GNPAT: variants seen among roughly 807,000 people sequenced by gnomAD.
GNPAT encodes the protein dihydroxyacetone phosphate acyltransferase.
GNPAT carries 30 observed loss-of-function variants against 78.4 expected under a neutral mutation model. That is an observed-to-expected ratio of 0.38 (90% CI 0.29 to 0.52). GNPAT has a LOEUF of 0.52. Among genes scored for constraint, GNPAT ranks in the 20% least tolerant of loss-of-function variants. GNPAT has a pLI of 0.84. For missense variants in GNPAT, 714 were observed against 812.2 expected (o/e 0.88, Z 1.47); for synonymous variants, 271 against 281.1 (o/e 0.96, Z 0.36).
chr1:231,250,860 G>A, intron 1 of GNPAT, 101 bp from the exon 2 acceptor site: 1 of 776,454 alleles, frequency 1.3e-6, no homozygotes, highest in South Asian at 1.4e-5. Context: ...TCACGTCATA[G>A]AGTAATATTT....
chr1:231,276,292 C>A, intron 15 of GNPAT, 96 bp downstream of exon 15: 1 of 714,102 alleles, frequency 1.4e-6, no homozygotes, highest in Non-Finnish European at 2.6e-6. Context: ...TCAAAATGAT[C>A]AGTAAGTAGT....
intron 12 of GNPAT, chr1:231,274,880 G>T: frequency 3.3e-6 from 1 of 305,364 alleles, no homozygotes; most frequent in South Asian, 3.1e-5. Flanking sequence ...TGTATTTAGA[G>T]AAAAAAAGCA....
chr1:231,249,152 A>G (rs912680752), intron 1 of GNPAT, among the ~76,000 whole-genome samples: 1 of 152,238 alleles, frequency 6.6e-6, no homozygotes, highest in Non-Finnish European at 1.5e-5. Flanking sequence ...TATAGAGCGC[A>G]AACTGATACA....
At position 231,251,784 on chromosome 1, in the gene GNPAT, T is replaced by G. The variant is rs553720224; in HGVS notation, c.261+641T>G. Among the ~76,000 whole-genome samples, 6 of 152,342 alleles carry G rather than the reference T, an allele frequency of 3.9e-5. No homozygotes were observed. The East Asian group carries it at 1.2e-3, about 29-fold the overall frequency. On this transcript the variant is annotated intron_variant, in intron 2 of 15. Coordinates refer to ENST00000366647, the MANE Select transcript of GNPAT (RefSeq NM_014236.4). ...TCTTGGAGAAGCTATCAGTTTTCTC[T>G]GGTAGGAGATAGGTTGAGCCTATTC...
intron 1 of GNPAT, among the ~76,000 whole-genome samples, chr1:231,247,402 A>G (rs1378102989): frequency 6.6e-6 from 1 of 152,212 alleles, no homozygotes; most frequent in Admixed American, 6.5e-5. Context: ...GGAGGCACCA[A>G]ATACGAGTTT....
chr1:231,262,802 T>G lies in GNPAT; in HGVS notation c.518T>G (p.Phe173Cys), dbSNP rs1183827822. ...TACATTGACTTCCTCATGTTGTCTT[T>G]TCTTCTATACAATTATGATTTGCCT... ...RSYIDFLMLS[F>C]LLYNYDLPVP... Residue 173 changes from phenylalanine (F) to cysteine (C), a missense_variant, in exon 4 of 16, where the codon TTT becomes TGT. Coordinates refer to ENST00000366647, the MANE Select transcript of GNPAT (RefSeq NM_014236.4). 1.9e-6 allele frequency: 3 copies of G among 1,609,096 alleles called. No homozygotes were observed. The African/African-American group carries it at 4.0e-5, about 22-fold the overall frequency.
intron 11 of GNPAT, 127 bp from the exon 12 acceptor site, chr1:231,273,795 G>T: frequency 4.0e-6 from 3 of 751,352 alleles, no homozygotes; most frequent in Non-Finnish European, 7.1e-6. Context: ...TGTTGTCTGA[G>T]GGCATGTGGC....
intron 4 of GNPAT, among the ~76,000 whole-genome samples, chr1:231,264,504 C>T (rs1685319779): frequency 6.6e-6 from 1 of 152,118 alleles, no homozygotes; most frequent in Non-Finnish European, 1.5e-5. Context: ...AGCCAGGATT[C>T]AAGTATACAC....
At chr1:231,271,118 A>G (rs1685553220) in intron 10 of GNPAT, 118 bp downstream of exon 10, 3 of 1,195,364 alleles carry the variant, frequency 2.5e-6, no homozygotes, top group South Asian at 1.2e-5. Context: ...GAGCAGGCCT[A>G]TCACTGAGAA....
chr1:231,251,732 G>A (rs541995118), intron 2 of GNPAT, among the ~76,000 whole-genome samples: 16 of 152,244 alleles, frequency 1.1e-4, no homozygotes, highest in African/African-American at 2.9e-4. Flanking sequence ...TTTAAGGACC[G>A]AAGCCTTGAA....
intron 8 of GNPAT, among the ~76,000 whole-genome samples, chr1:231,266,929 G>A (rs1685405741): frequency 6.6e-6 from 1 of 152,200 alleles, no homozygotes; most frequent in South Asian, 2.1e-4. Flanking sequence ...GGACAAGTAA[G>A]GGAGACAAAC....
At chr1:231,263,046 C>G (rs1416317441) in intron 4 of GNPAT, among the ~76,000 whole-genome samples, 194 bp downstream of exon 4, 5 of 152,166 alleles carry the variant, frequency 3.3e-5, no homozygotes, top group African/African-American at 1.2e-4. Context: ...TGCAGGAGTT[C>G]ATGCACACAG....
intron 10 of GNPAT, 78 bp downstream of exon 10, chr1:231,271,078 C>T: frequency 6.7e-7 from 1 of 1,488,440 alleles, no homozygotes; most frequent in Non-Finnish European, 9.4e-7. Flanking sequence ...ACATTTGAAG[C>T]CTTGTAATGT....
intron 3 of GNPAT, among the ~76,000 whole-genome samples, chr1:231,262,302 C>T (rs1685242258): frequency 6.6e-6 from 1 of 152,200 alleles, no homozygotes; most frequent in South Asian, 2.1e-4. Context: ...CTTTTTAAGT[C>T]AGACTGACTT....
intron 5 of GNPAT, 46 bp from the exon 6 acceptor site, chr1:231,265,666 G>T: frequency 8.9e-7 from 1 of 1,123,856 alleles, no homozygotes; most frequent in Non-Finnish European, 1.4e-6. Context: ...TTATCATTTT[G>T]AGAGTAGGCA....
Position 231,246,887 on chromosome 1 carries a change from C to T in GNPAT, c.79-4074C>T, listed in dbSNP as rs985442522. Among the ~76,000 whole-genome samples, 5 of 152,290 alleles carry T rather than the reference C, an allele frequency of 3.3e-5. No homozygotes were observed. The South Asian group carries it at 6.2e-4, about 19-fold the overall frequency. On this transcript the variant is annotated intron_variant, in intron 1 of 15. Transcript: ENST00000366647. ...AGCCTGAGTTTAAAACCACTGGATT[C>T]GGCCGGGCGCGTTGGCTCACGCCTG...
chr1:231,254,448 T>A lies in GNPAT; in HGVS notation c.261+3305T>A, dbSNP rs537397121. ...TCTTCCAGTGTCACAGTGAAAAATT[T>A]TTTTTTTTTTTGAGACGGAGTCTCG... is the stretch of plus-strand genomic sequence containing the variant. On this transcript the variant is annotated intron_variant, in intron 2 of 15. Coordinates refer to ENST00000366647, the MANE Select transcript of GNPAT (RefSeq NM_014236.4). 1.5e-3 allele frequency among the ~76,000 whole-genome samples: 224 copies of A among 152,028 alleles called. 1 individual carries two copies. Among genetic ancestry groups the A allele is most frequent in the African/African-American group, 5.1e-3 (212 of 41,458 alleles).
At chr1:231,270,343 G>A (rs142492751) in intron 9 of GNPAT, among the ~76,000 whole-genome samples, 1 of 152,238 alleles carries the variant, frequency 6.6e-6, no homozygotes, top group East Asian at 1.9e-4. Context: ...ATGTTTTAAT[G>A]TATTCATACA....
intron 14 of GNPAT, 93 bp downstream of exon 14, chr1:231,275,591 T>A (rs2102828498): frequency 1.3e-6 from 1 of 795,600 alleles, no homozygotes; most frequent in African/African-American, 1.7e-5. Context: ...AAATGGATGA[T>A]CTAGGAAATG....
Sources: allele counts gnomAD v4.1 joint callset (sites outside exome capture counted in the v4.1 genomes callset), GRCh38; gene constraint gnomAD v4.1.1; transcripts MANE v1.5; gene names NCBI Gene and HGNC (gene_info 2026-07-23, HGNC 2026-07-21).